The following TANGO6 variants were observed in gnomAD, a reference collection of about 807,000 sequenced individuals.
The protein encoded by TANGO6 is transport and golgi organization 6 homolog.
Under a neutral mutation model 114.2 loss-of-function variants are expected in TANGO6, and 90 were observed. The observed-to-expected ratio is 0.79, with a 90% CI of 0.66 to 0.94. The LOEUF (loss-of-function observed/expected upper bound fraction) is 0.94. Ranked by LOEUF, TANGO6 falls within the 40% of genes least tolerant of loss-of-function variation. The pLI, the probability that TANGO6 is intolerant of heterozygous loss-of-function variation, is 0.00. For missense variants in TANGO6, 1,274 were observed against 1,315.3 expected (o/e 0.97, Z 0.49); for synonymous variants, 477 against 509.8 (o/e 0.94, Z 0.87).
At chr16:68,897,825 G>A (rs1236759757) in intron 7 of TANGO6, among the ~76,000 whole-genome samples, 3 of 151,952 alleles carry the variant, frequency 2.0e-5, no homozygotes, top group African/African-American at 4.8e-5. Flanking sequence ...TGATCCACCC[G>A]CCTCAGCCTC....
intron 15 of TANGO6, among the ~76,000 whole-genome samples, chr16:68,978,171 C>T (rs943648455): frequency 4.6e-5 from 7 of 152,154 alleles, no homozygotes; most frequent in African/African-American, 1.7e-4. Flanking sequence ...ATAAACCATA[C>T]ATAGACAACA....
chr16:69,076,088 C>CTTTTTTTT lies in TANGO6; in HGVS notation c.3109-7383_3109-7376dup, dbSNP rs34844519. On this transcript the variant is annotated intron_variant, in intron 17 of 17. Coordinates refer to ENST00000261778, the MANE Select transcript of TANGO6 (RefSeq NM_024562.2). Reference sequence around the variant, plus strand: ...TGAATTCAACATTTTTATTTCATTTCTTTTTTTTTTTTTTTTTTTTTGAGA... The same window carrying CTTTTTTTT: ...TGAATTCAACATTTTTATTTCATTTCTTTTTTTTTTTTTTTTTTTTTTTTTTTTTGAGA... Among the ~76,000 whole-genome samples, 174 of 85,660 alleles carry CTTTTTTTT rather than the reference C, an allele frequency of 2.0e-3. 1 individual carries two copies. The highest frequency in any genetic ancestry group is 2.7e-3 in the Non-Finnish European group (129 of 47,730). 56.2% of individuals were successfully genotyped at this position (85,660 alleles called of 152,430 possible). A position where few individuals can be genotyped will look rare whatever the true frequency, so the allele number is the denominator to read the frequency against.
intron 15 of TANGO6, among the ~76,000 whole-genome samples, chr16:69,016,455 C>A (rs2152226010): frequency 6.6e-6 from 1 of 151,986 alleles, no homozygotes; most frequent in East Asian, 1.9e-4. Flanking sequence ...AGTGTCCTTC[C>A]TGAAGTTTCT....
At chr16:69,014,480 A>G (rs371903651) in intron 15 of TANGO6, among the ~76,000 whole-genome samples, 5 of 152,316 alleles carry the variant, frequency 3.3e-5, no homozygotes, top group Admixed American at 1.3e-4. Context: ...CCTGAATCAC[A>G]TGGGGAGGGA....
chr16:68,981,613 G>A (rs1963837795), intron 15 of TANGO6, among the ~76,000 whole-genome samples: 1 of 152,114 alleles, frequency 6.6e-6, no homozygotes, highest in Non-Finnish European at 1.5e-5. Flanking sequence ...ATTGGTCATT[G>A]GGATGTTACT....
intron 4 of TANGO6, chr16:68,867,484 A>C (rs1188288996): frequency 5.6e-6 from 2 of 357,076 alleles, no homozygotes; most frequent in African/African-American, 2.1e-5. Context: ...AATAATTTAT[A>C]CTATCTGGGG....
intron 12 of TANGO6, among the ~76,000 whole-genome samples, chr16:68,921,528 GA>G (rs1963093199): frequency 6.8e-6 from 1 of 148,128 alleles, no homozygotes; most frequent in Non-Finnish European, 1.5e-5. Flanking sequence ...TGGCCAAATA[GA>G]TTTTTGTTTT....
At chr16:69,042,649 G>A (rs1388299179) in intron 17 of TANGO6, among the ~76,000 whole-genome samples, 1 of 152,162 alleles carries the variant, frequency 6.6e-6, no homozygotes, top group Non-Finnish European at 1.5e-5. Context: ...GACCTTGATG[G>A]GGATGGGGGA....
intron 11 of TANGO6, among the ~76,000 whole-genome samples, chr16:68,912,811 C>T (rs903713196): frequency 1.3e-5 from 2 of 150,698 alleles, no homozygotes; most frequent in Non-Finnish European, 1.5e-5. Context: ...TGTGGTGGCT[C>T]ACGCCTGTAA....
intron 15 of TANGO6, among the ~76,000 whole-genome samples, chr16:69,022,472 G>A (rs146859231): frequency 1.4e-3 from 215 of 152,288 alleles, no homozygotes; most frequent in African/African-American, 4.6e-3. Context: ...GGGAGGCCAA[G>A]GCAGATGGAT....
chr16:69,039,835 C>A (rs1008754436), intron 16 of TANGO6, among the ~76,000 whole-genome samples: 4 of 152,150 alleles, frequency 2.6e-5, no homozygotes, highest in African/African-American at 9.7e-5. Context: ...TAGGCTGAAA[C>A]TTTCATCAAT....
chr16:69,032,394 T>G (rs1959610295), intron 16 of TANGO6, among the ~76,000 whole-genome samples: 1 of 152,004 alleles, frequency 6.6e-6, no homozygotes, highest in African/African-American at 2.4e-5. Flanking sequence ...GCCTCTCAAG[T>G]AGCTGGGACT....
chr16:68,894,736 C>T (rs539605214), intron 7 of TANGO6, among the ~76,000 whole-genome samples: 3 of 151,878 alleles, frequency 2.0e-5, no homozygotes, highest in South Asian at 2.1e-4. Context: ...TAAATACATA[C>T]GAGATTTACC....
At chr16:68,970,406 G>T (rs965828534) in intron 14 of TANGO6, among the ~76,000 whole-genome samples, 1 of 152,192 alleles carries the variant, frequency 6.6e-6, no homozygotes, top group East Asian at 1.9e-4. Context: ...GGTGGCTCAT[G>T]CCTTTAATCC....
intron 14 of TANGO6, among the ~76,000 whole-genome samples, chr16:68,968,669 A>ATTT (rs1173517416): frequency 0.024 from 2,610 of 109,192 alleles, 151 homozygotes; most frequent in African/African-American, 0.09. Flanking sequence ...CCAGCCTAGC[A>ATTT]TTTTTTTTTT....
rs553928163 is a variant in TANGO6 at position 69,044,720 on chromosome 16, TCAAAAA to T, written c.3108+4310_3108+4315del. Among the ~76,000 whole-genome samples the T allele has an allele frequency of 3.4e-4, 51 of 152,092 alleles. No homozygotes were observed. In the South Asian group the frequency reaches 9.6e-3, roughly 28 times the overall value. On this transcript the variant is annotated intron_variant, in intron 17 of 17. Transcript: ENST00000261778. ...GAACCAAGCAAGGTAGTTGCCTGCT[TCAAAAA>T]CAAAAACAAAGCAGGGTGTGTTGGC...
chr16:68,946,780 G>A (rs1963418785), intron 14 of TANGO6, among the ~76,000 whole-genome samples: 1 of 152,180 alleles, frequency 6.6e-6, no homozygotes, highest in Admixed American at 6.5e-5. Context: ...GAGATTACAG[G>A]TGTAAGCCAC....
intron 17 of TANGO6, among the ~76,000 whole-genome samples, chr16:69,079,779 A>G (rs1207082392): frequency 6.6e-6 from 1 of 152,248 alleles, no homozygotes; most frequent in African/African-American, 2.4e-5. Context: ...GAATTTTCAC[A>G]GTGTTTGAGG....
intron 7 of TANGO6, among the ~76,000 whole-genome samples, chr16:68,884,218 T>G (rs1276923371): frequency 6.6e-6 from 1 of 152,190 alleles, no homozygotes; most frequent in Non-Finnish European, 1.5e-5. Context: ...CCTCACTCAC[T>G]TTATTTGTAA....
Sources: allele counts gnomAD v4.1 joint callset (sites outside exome capture counted in the v4.1 genomes callset), GRCh38; gene constraint gnomAD v4.1.1; transcripts MANE v1.5; gene names NCBI Gene and HGNC (gene_info 2026-07-23, HGNC 2026-07-21).